ASF1A: variants seen among roughly 807,000 people sequenced by gnomAD.
ASF1A encodes histone chaperone ASF1A.
A neutral mutation model predicts 22.0 loss-of-function variants in ASF1A; 5 were observed. The observed-to-expected ratio is 0.23, with a 90% CI of 0.12 to 0.48. The LOEUF is 0.48. Among genes scored for constraint, ASF1A ranks in the 20% least tolerant of loss-of-function variants. The pLI is 0.99. For synonymous variants in ASF1A, 97 were observed against 86.7 expected (o/e 1.12, Z -0.66); for missense variants, 137 against 240.6 (o/e 0.57, Z 2.85).
rs935808699 is a variant in ASF1A, at chr6:118,907,785, A to G, written c.*171A>G. 1.8e-6 allele frequency: 1 copy of G among 548,728 alleles called. No homozygotes were observed. 34.0% of individuals were successfully genotyped at this position (548,728 alleles called of 1,614,324 possible). A position where few individuals can be genotyped will look rare whatever the true frequency, so the allele number is the denominator to read the frequency against. ...TGAACAAATTGTGGAATATAAATAC[A>G]ACTATTTTTAAGTAATTTTTTTCTC... On this transcript the variant is annotated 3_prime_UTR_variant, in exon 4 of 4. Transcript: ENST00000229595.
intron 1 of ASF1A, among the ~76,000 whole-genome samples, chr6:118,900,161 GAC>G (rs1352473466): frequency 6.6e-6 from 1 of 151,924 alleles, no homozygotes; most frequent in East Asian, 1.9e-4. Context: ...AAGAATGTAT[GAC>G]ACAGGGGGGT....
chr6:118,900,508 A>G (rs1216020889), intron 1 of ASF1A, among the ~76,000 whole-genome samples: 1 of 152,196 alleles, frequency 6.6e-6, no homozygotes, highest in African/African-American at 2.4e-5. Flanking sequence ...GCATTTCCCA[A>G]GTGTTTGGCT....
At chr6:118,894,641 T>A in intron 1 of ASF1A, 119 bp downstream of exon 1, 2 of 857,534 alleles carry the variant, frequency 2.3e-6, no homozygotes, top group Non-Finnish European at 3.6e-6. Context: ...CGGGCTGCTC[T>A]GCGGAGGGAA....
At chr6:118,900,664 T>G in intron 1 of ASF1A, 102 bp from the exon 2 acceptor site, 1 of 820,196 alleles carries the variant, frequency 1.2e-6, no homozygotes, top group Non-Finnish European at 2.1e-6. Context: ...GAAGCCAATT[T>G]TAAAGCCAGT....
chr6:118,907,650 A>G lies in ASF1A; in HGVS notation c.*36A>G. Reference sequence around the variant, plus strand: ...TCCCTTTAGTACAAATTAAGCTATTAAAAATACACAGAACTATTTCCCTGA... The same window carrying G: ...TCCCTTTAGTACAAATTAAGCTATTGAAAATACACAGAACTATTTCCCTGA... On this transcript the variant is annotated 3_prime_UTR_variant, in exon 4 of 4. Transcript: ENST00000229595. 6.7e-7 allele frequency: 1 copy of G among 1,499,914 alleles called. No homozygotes were observed. 92.9% of individuals were successfully genotyped at this position (1,499,914 alleles called of 1,614,324 possible).
rs369306077 is a variant in ASF1A at position 118,894,712 on chromosome 6, G to A, written c.109+190G>A. 4.8e-4 allele frequency among the ~76,000 whole-genome samples: 73 copies of A among 152,352 alleles called. 1 individual carries two copies. The East Asian group carries it at 9.5e-3, about 20-fold the overall frequency. ...CGCGGCTTTCCGCCGCAGCCCAGGCGCCTGCCGGGCTCAACTTGCGAGGAA... is the reference window on the plus strand; with the variant it reads ...CGCGGCTTTCCGCCGCAGCCCAGGCACCTGCCGGGCTCAACTTGCGAGGAA... On this transcript the variant is annotated intron_variant, in intron 1 of 3. Transcript: ENST00000229595.
chr6:118,898,369 T>C (rs1056776850), intron 1 of ASF1A, among the ~76,000 whole-genome samples: 1 of 152,156 alleles, frequency 6.6e-6, no homozygotes, highest in East Asian at 1.9e-4. Context: ...AAGGGCATTA[T>C]ATGTAGTGAT....
Position 118,907,423 on chromosome 6 carries a change from T to C in ASF1A, c.424T>C (p.Ser142Pro). 6.2e-7 allele frequency: 1 copy of C among 1,604,678 alleles called. No homozygotes were observed. The highest frequency in any genetic ancestry group is 8.5e-7 in the Non-Finnish European group (1 of 1,174,738). The stretch of plus-strand genomic sequence containing the variant: ...CTAGCTTCAAAGGAATATTTTGGCA[T>C]CTAATCCCAGGGTCACAAGATTCCA... ...FSKLQRNILA[S>P]NPRVTRFHIN... Residue 142 changes from serine to proline, a missense_variant, in exon 4 of 4, where the codon TCT becomes CCT. Ser to Pro is a moderately conservative substitution (Grantham distance 74). This residue lies in a region of ASF1A where 96 missense variants were observed against 196.7 expected (regional missense o/e 0.49). Coordinates refer to ENST00000229595, the MANE Select transcript of ASF1A (RefSeq NM_014034.3).
intron 1 of ASF1A, among the ~76,000 whole-genome samples, chr6:118,896,611 TC>T (rs1400091650): frequency 6.6e-6 from 1 of 152,196 alleles, no homozygotes; most frequent in Non-Finnish European, 1.5e-5. Context: ...ATATTTCACT[TC>T]CTAGGCACCA....
Position 118,908,922 on chromosome 6 carries a change from T to G in ASF1A, c.*1308T>G, listed in dbSNP as rs924078697. ...AAAAGGGCATTTGTCTAAACATGGA[T>G]TCTGAGTTGTATATATTTCCTATCA... On this transcript the variant is annotated 3_prime_UTR_variant, in exon 4 of 4. Transcript: ENST00000229595. 3.9e-5 allele frequency: 6 copies of G among 152,620 alleles called. No individual in the cohort carries two copies. The highest frequency in any genetic ancestry group is 1.4e-4 in the African/African-American group (6 of 41,454). 9.5% of individuals were successfully genotyped at this position (152,620 alleles called of 1,614,324 possible). A position where few individuals can be genotyped will look rare whatever the true frequency, so the allele number is the denominator to read the frequency against.
intron 2 of ASF1A, among the ~76,000 whole-genome samples, chr6:118,901,673 C>T (rs1779805615): frequency 1.3e-5 from 2 of 152,138 alleles, no homozygotes; most frequent in African/African-American, 2.4e-5. Context: ...ATTATGCATG[C>T]TTATTTATAA....
intron 2 of ASF1A, 52 bp downstream of exon 2, chr6:118,900,933 A>G: frequency 8.1e-7 from 1 of 1,232,058 alleles, no homozygotes; most frequent in Non-Finnish European, 1.2e-6. Context: ...GAAGTAGACT[A>G]TATTATCTAT....
intron 1 of ASF1A, among the ~76,000 whole-genome samples, chr6:118,899,374 T>C (rs115923982): frequency 0.01 from 1,579 of 152,286 alleles, 30 homozygotes; most frequent in African/African-American, 0.036. Context: ...GGTGCTTTCC[T>C]CCTTCCTTTC....
At chr6:118,894,901 GGGAA>G (rs1270061949) in intron 1 of ASF1A, among the ~76,000 whole-genome samples, 16 of 152,100 alleles carry the variant, frequency 1.1e-4, no homozygotes, top group African/African-American at 2.9e-4. Flanking sequence ...CACGGAGGCT[GGGAA>G]GGGAGAGGCT....
chr6:118,894,677 C>T (rs1237521618), intron 1 of ASF1A, among the ~76,000 whole-genome samples, 155 bp downstream of exon 1: 4 of 152,190 alleles, frequency 2.6e-5, no homozygotes, highest in African/African-American at 9.7e-5. Flanking sequence ...ACGACGGCCG[C>T]CGAGGCGCGC....
chr6:118,905,399 A>G (rs1366428421), intron 2 of ASF1A, among the ~76,000 whole-genome samples: 1 of 152,218 alleles, frequency 6.6e-6, no homozygotes, highest in African/African-American at 2.4e-5. Context: ...TGTAGCCAGA[A>G]TTTCTTCCTT....
chr6:118,904,889 G>C (rs1780066622), intron 2 of ASF1A, among the ~76,000 whole-genome samples: 1 of 152,212 alleles, frequency 6.6e-6, no homozygotes, highest in African/African-American at 2.4e-5. Context: ...CCAGGCTGGA[G>C]TGCAGTAGTG....
chr6:118,904,657 T>C (rs774209922), intron 2 of ASF1A, among the ~76,000 whole-genome samples: 9 of 152,260 alleles, frequency 5.9e-5, no homozygotes, highest in Non-Finnish European at 1.3e-4. Context: ...TTACAATAGC[T>C]TGATTTAAAA....
intron 2 of ASF1A, among the ~76,000 whole-genome samples, chr6:118,903,866 C>T (rs1376102514): frequency 6.6e-6 from 1 of 152,066 alleles, no homozygotes; most frequent in African/African-American, 2.4e-5. Context: ...GGATTACAGG[C>T]GTGAGCCACC....
Sources: gnomAD v4.1 joint callset for allele counts (sites outside exome capture counted in the v4.1 genomes callset) on GRCh38, gnomAD v4.1.1 for gene constraint, gnomAD v4.1.1 regional missense constraint, MANE v1.5 for transcripts, NCBI Gene and HGNC (gene_info 2026-07-23, HGNC 2026-07-21) for gene names.